Variants in ADAM23 observed in about 807,000 individuals in gnomAD.
ADAM23 encodes ADAM metallopeptidase domain 23.
Under a neutral mutation model 120.1 loss-of-function variants are expected in ADAM23, and 33 were observed. That is an observed-to-expected ratio of 0.27 (90% CI 0.21 to 0.37). ADAM23 has a LOEUF of 0.37. Among genes scored for constraint, ADAM23 ranks in the 10% least tolerant of loss-of-function variants. The pLI is 1.00. For synonymous variants in ADAM23, 367 were observed against 375.2 expected, an observed-to-expected ratio of 0.98 and a Z score of 0.25; for missense variants, 862 against 1,058.2, an observed-to-expected ratio of 0.81 and a Z score of 2.57.
intron 2 of ADAM23, among the ~76,000 whole-genome samples, chr2:206,474,890 G>A (rs551801817): frequency 1.3e-5 from 2 of 152,138 alleles, no homozygotes; most frequent in East Asian, 3.9e-4. Context: ...TTGCATTATT[G>A]TATTATTTAA....
At chr2:206,532,876 A>G (rs964373149) in intron 4 of ADAM23, among the ~76,000 whole-genome samples, 8 of 152,122 alleles carry the variant, frequency 5.3e-5, no homozygotes, top group Non-Finnish European at 1.0e-4. Context: ...CGTTTTGAAT[A>G]CATCCCTTAT....
intron 18 of ADAM23, among the ~76,000 whole-genome samples, chr2:206,583,492 C>G (rs1698261938): frequency 6.8e-6 from 1 of 148,016 alleles, no homozygotes; most frequent in African/African-American, 2.4e-5. Flanking sequence ...TCCTCAGGTA[C>G]ACCAATTATT....
intron 23 of ADAM23, among the ~76,000 whole-genome samples, chr2:206,595,823 G>T (rs150123639): frequency 6.6e-6 from 1 of 152,006 alleles, no homozygotes; most frequent in East Asian, 1.9e-4. Context: ...AATAATTGAA[G>T]AATTTCTTCC....
chr2:206,596,394 T>TA (rs1462167012), intron 24 of ADAM23, among the ~76,000 whole-genome samples: 1 of 152,246 alleles, frequency 6.6e-6, no homozygotes, highest in East Asian at 1.9e-4. Context: ...GAAGTAAATA[T>TA]ACACATTTTC....
intron 18 of ADAM23, among the ~76,000 whole-genome samples, chr2:206,584,814 G>A (rs1032845346): frequency 4.6e-5 from 7 of 152,134 alleles, no homozygotes; most frequent in African/African-American, 1.7e-4. Flanking sequence ...TTCTCCCTGT[G>A]GAGTTTTACC....
At chr2:206,567,372 T>C in intron 15 of ADAM23, 50 bp downstream of exon 15, 1 of 1,486,888 alleles carries the variant, frequency 6.7e-7, no homozygotes, top group South Asian at 1.1e-5. Context: ...TCTCCAGTGT[T>C]TTACAGTGCA....
chr2:206,508,654 CCAAAAAAAAAAAA>C (rs1297623133), intron 3 of ADAM23, among the ~76,000 whole-genome samples: 1 of 88,474 alleles, frequency 1.1e-5, no homozygotes, highest in Non-Finnish European at 2.3e-5. Flanking sequence ...GACTCTGTCT[CCAAAAAAAAAAAA>C]AAAAAGAAAG....
intron 4 of ADAM23, among the ~76,000 whole-genome samples, chr2:206,541,447 A>G (rs533878670): frequency 1.3e-5 from 2 of 152,188 alleles, no homozygotes; most frequent in Admixed American, 6.5e-5. Flanking sequence ...AAAAAGTATA[A>G]ACATTCAAAA....
chr2:206,551,811 C>T (rs1386206802), intron 9 of ADAM23, among the ~76,000 whole-genome samples: 1 of 152,158 alleles, frequency 6.6e-6, no homozygotes, highest in Non-Finnish European at 1.5e-5. Flanking sequence ...TAGAATACCT[C>T]TTACTTTTGT....
chr2:206,560,419 G>A (rs1221455445), intron 11 of ADAM23, among the ~76,000 whole-genome samples: 1 of 152,004 alleles, frequency 6.6e-6, no homozygotes, highest in African/African-American at 2.4e-5. Context: ...CATGTGGGGA[G>A]AAGGGCAAAA....
In ADAM23 at chr2:206,495,096, C is replaced by G. The variant is rs1424639365; in HGVS notation, c.509+13788C>G. On this transcript the variant is annotated intron_variant, in intron 3 of 25. Coordinates refer to ENST00000264377, the MANE Select transcript of ADAM23 (RefSeq NM_003812.4). ...CTCTGCAGGATATTATCCAGGAGAA[C>G]TTCCCCAATCTAGCAAGGCAGGCCA... Among the ~76,000 whole-genome samples the G allele has an allele frequency of 2.0e-5, 3 of 152,142 alleles. No homozygotes were observed. The East Asian group carries it at 5.8e-4, about 29-fold the overall frequency.
chr2:206,588,043 G>T, intron 19 of ADAM23, 48 bp from the exon 20 acceptor site: 1 of 1,598,118 alleles, frequency 6.3e-7, no homozygotes, highest in Non-Finnish European at 8.6e-7. Flanking sequence ...AAACATTGGG[G>T]AAGACAAACT....
At chr2:206,616,109 T>G (rs1698930907) in intron 25 of ADAM23, among the ~76,000 whole-genome samples, 2 of 152,322 alleles carry the variant, frequency 1.3e-5, no homozygotes, top group South Asian at 4.1e-4. Flanking sequence ...TCTCTGTTTT[T>G]CCTCCCTGAC....
Position 206,614,965 on chromosome 2 carries a change from C to T in ADAM23, c.2451-2614C>T, listed in dbSNP as rs186848472. ...TGGCCAGGAAGATCGGTGCATTTCC[C>T]TGCCCCAGCGCCCCAGGGAAGTGAG... On this transcript the variant is annotated intron_variant, in intron 25 of 25. Coordinates refer to ENST00000264377, the MANE Select transcript of ADAM23 (RefSeq NM_003812.4). Among the ~76,000 whole-genome samples, 1,192 of 152,236 alleles carry T rather than the reference C, an allele frequency of 7.8e-3. 6 individuals carry two copies. The highest frequency in any genetic ancestry group is 0.014 in the Middle Eastern group (4 of 294).
chr2:206,563,129 G>A (rs369945506), intron 13 of ADAM23, among the ~76,000 whole-genome samples: 19 of 152,194 alleles, frequency 1.2e-4, no homozygotes, highest in African/African-American at 2.4e-4. Context: ...AGTGGGCAAC[G>A]ACCTAATGCA....
rs551307250 is a variant in ADAM23, at chr2:206,516,893, C to T, written c.510-13992C>T. 8.8e-4 allele frequency among the ~76,000 whole-genome samples: 134 copies of T among 152,162 alleles called. 1 individual carries two copies. The highest frequency in any genetic ancestry group is 3.1e-3 in the African/African-American group (128 of 41,528). ...AATAATTGGAAATTTTCTATTTTGGCCTAGCAGTTTGAGGGCAGACAACTT... is the reference window on the plus strand; with the variant it reads ...AATAATTGGAAATTTTCTATTTTGGTCTAGCAGTTTGAGGGCAGACAACTT... On this transcript the variant is annotated intron_variant, in intron 3 of 25. Coordinates refer to ENST00000264377, the MANE Select transcript of ADAM23 (RefSeq NM_003812.4).
intron 17 of ADAM23, among the ~76,000 whole-genome samples, chr2:206,572,573 CT>C (rs1448965538): frequency 6.6e-6 from 1 of 152,152 alleles, no homozygotes; most frequent in Non-Finnish European, 1.5e-5. Context: ...GCAATGGGCT[CT>C]TTCCTTCACC....
chr2:206,462,397 T>G (rs536538411), intron 2 of ADAM23, among the ~76,000 whole-genome samples: 4 of 152,332 alleles, frequency 2.6e-5, no homozygotes, highest in Admixed American at 6.5e-5. Flanking sequence ...TCTACCCTAT[T>G]TTTAGATCCT....
intron 21 of ADAM23, among the ~76,000 whole-genome samples, chr2:206,591,060 G>A (rs1234135804): frequency 6.6e-6 from 1 of 152,098 alleles, no homozygotes; most frequent in Non-Finnish European, 1.5e-5. Context: ...GACCAGACAC[G>A]ATGGCTTATG....
Sources: gnomAD v4.1 joint callset for allele counts (sites outside exome capture counted in the v4.1 genomes callset) on GRCh38, gnomAD v4.1.1 for gene constraint, MANE v1.5 for transcripts, NCBI Gene and HGNC (gene_info 2026-07-23, HGNC 2026-07-21) for gene names.